Variants in TPRG1 observed in about 807,000 individuals in gnomAD.
TPRG1 encodes the protein tumor protein p63-regulated gene 1 protein.
TPRG1 carries 29 observed loss-of-function variants against 29.3 expected under a neutral mutation model. The ratio of observed to expected loss-of-function variants is 0.99; its 90% CI spans 0.74 to 1.35. TPRG1 has a LOEUF of 1.35. TPRG1 is among the 40% of genes most tolerant of loss of function. The pLI is 0.00. For missense variants in TPRG1, 327 were observed against 335.0 expected (o/e 0.98, Z 0.19); for synonymous variants, 130 against 116.8 (o/e 1.11, Z -0.73).
chr3:189,092,574 T>C (rs1028135921), intron 4 of TPRG1, among the ~76,000 whole-genome samples: 2 of 152,142 alleles, frequency 1.3e-5, no homozygotes, highest in Non-Finnish European at 2.9e-5. Context: ...TTAAAAATGC[T>C]TGGTTGTCAG....
chr3:189,059,257 T>C (rs1715931981), intron 4 of TPRG1, among the ~76,000 whole-genome samples: 1 of 152,228 alleles, frequency 6.6e-6, no homozygotes, highest in Non-Finnish European at 1.5e-5. Flanking sequence ...GACACAGTTC[T>C]TAAGTACTTC....
chr3:189,097,992 A>G (rs1327896500), upstream of TPRG1, among the ~76,000 whole-genome samples: 2 of 152,216 alleles, frequency 1.3e-5, no homozygotes, highest in Non-Finnish European at 2.9e-5. Context: ...AAGATTTAAG[A>G]GGAGAGACAG....
chr3:189,156,119 C>T (rs960209670), intron 5 of TPRG1, among the ~76,000 whole-genome samples: 1 of 151,958 alleles, frequency 6.6e-6, no homozygotes, highest in Non-Finnish European at 1.5e-5. Context: ...ATTTATTTAT[C>T]AATTGTAACT....
At position 189,320,859 on chromosome 3, in the gene TPRG1, T is replaced by A; in HGVS notation, c.*39T>A. ...ACCATAAGCATATCATCCACAGATATGTCACTTTGAAAATTCCAGTTTGAC... is the reference window on the plus strand; with the variant it reads ...ACCATAAGCATATCATCCACAGATAAGTCACTTTGAAAATTCCAGTTTGAC... On this transcript the variant is annotated 3_prime_UTR_variant, in exon 6 of 6. Coordinates refer to ENST00000345063, the MANE Select transcript of TPRG1 (RefSeq NM_198485.4). The A allele has an allele frequency of 6.9e-7, 1 of 1,444,620 alleles. No homozygotes were observed. The highest frequency in any genetic ancestry group is 1.4e-5 in the African/African-American group (1 of 69,050). The allele number at this position is 1,444,620 out of a possible 1,614,324, so 89.5% of individuals were successfully genotyped here. A position where few individuals can be genotyped will look rare whatever the true frequency, so the allele number is the denominator to read the frequency against.
intron 4 of TPRG1, among the ~76,000 whole-genome samples, chr3:189,304,642 T>C (rs745942877): frequency 1.3e-5 from 2 of 152,124 alleles, no homozygotes; most frequent in African/African-American, 4.8e-5. Flanking sequence ...CAGCGTCTTT[T>C]GGGTTCTTGT....
At position 189,183,680 on chromosome 3, in the gene TPRG1, G is replaced by A. The variant is rs1350512830; in HGVS notation, c.-10+11549G>A. ...AGTGATATTCCTCCCATTTGCTTTGGAAAGAAGAGAAATATGGCTCTGTTC... is the reference window on the plus strand; with the variant it reads ...AGTGATATTCCTCCCATTTGCTTTGAAAAGAAGAGAAATATGGCTCTGTTC... On this transcript the variant is annotated intron_variant, in intron 1 of 5. Coordinates refer to ENST00000345063, the MANE Select transcript of TPRG1 (RefSeq NM_198485.4). 2.6e-5 allele frequency among the ~76,000 whole-genome samples: 4 copies of A among 152,080 alleles called. No individual in the cohort carries two copies. The South Asian group carries it at 8.3e-4, about 32-fold the overall frequency.
chr3:188,997,766 C>T (rs1476040580), intron 1 of TPRG1, among the ~76,000 whole-genome samples: 3 of 152,170 alleles, frequency 2.0e-5, no homozygotes, highest in Non-Finnish European at 4.4e-5. Context: ...CGAACAATTA[C>T]ATTCCAGGAG....
intron 5 of TPRG1, among the ~76,000 whole-genome samples, chr3:189,312,169 C>G (rs147054151): frequency 4.5e-5 from 3 of 66,174 alleles, no homozygotes; most frequent in East Asian, 5.2e-4. Context: ...TTCTTTCTTT[C>G]TTTCTTTCTT....
chr3:189,203,923 C>T (rs1224254058), intron 1 of TPRG1, among the ~76,000 whole-genome samples: 1 of 151,850 alleles, frequency 6.6e-6, no homozygotes, highest in Non-Finnish European at 1.5e-5. Context: ...CACCTGTAGT[C>T]CCAGCTGCTC....
At chr3:189,196,560 C>T (rs1732561887) in intron 1 of TPRG1, among the ~76,000 whole-genome samples, 1 of 151,978 alleles carries the variant, frequency 6.6e-6, no homozygotes, top group Non-Finnish European at 1.5e-5. Flanking sequence ...TTTATAAATC[C>T]ATCAGATCTC....
chr3:189,269,961 G>A (rs1714790813), intron 4 of TPRG1, among the ~76,000 whole-genome samples: 1 of 152,154 alleles, frequency 6.6e-6, no homozygotes, highest in Non-Finnish European at 1.5e-5. Flanking sequence ...TAGATATAGA[G>A]TTTTGACTTT....
intron 3 of TPRG1, among the ~76,000 whole-genome samples, chr3:189,216,971 G>A (rs1329148900): frequency 6.6e-6 from 1 of 152,208 alleles, no homozygotes; most frequent in African/African-American, 2.4e-5. Flanking sequence ...ATACACAAAT[G>A]CGGTATTTCT....
chr3:189,248,190 G>A (rs937164900), intron 4 of TPRG1, among the ~76,000 whole-genome samples: 1 of 151,526 alleles, frequency 6.6e-6, no homozygotes, highest in Non-Finnish European at 1.5e-5. Context: ...GCACTGGCAT[G>A]TTTAAATTTT....
chr3:189,002,955 C>T (rs1712103410), intron 2 of TPRG1, among the ~76,000 whole-genome samples: 1 of 152,136 alleles, frequency 6.6e-6, no homozygotes, highest in Non-Finnish European at 1.5e-5. Flanking sequence ...CATTTAACCA[C>T]ACCTAGCTTA....
intron 4 of TPRG1, among the ~76,000 whole-genome samples, chr3:189,038,454 G>A (rs1479167470): frequency 6.6e-6 from 1 of 152,022 alleles, no homozygotes; most frequent in Non-Finnish European, 1.5e-5. Context: ...CTTGTTAAAT[G>A]GAGAAAAGTA....
intron 1 of TPRG1, among the ~76,000 whole-genome samples, chr3:189,100,874 C>T (rs1292104583): frequency 1.3e-5 from 2 of 152,184 alleles, no homozygotes; most frequent in East Asian, 3.9e-4. Context: ...AAAAGAAAAT[C>T]CTGCCTTGTA....
intron 5 of TPRG1, among the ~76,000 whole-genome samples, chr3:189,163,886 C>T (rs772634068): frequency 1.1e-4 from 17 of 151,958 alleles, no homozygotes; most frequent in South Asian, 2.1e-4. Flanking sequence ...GAAACCCCGC[C>T]GAGAATCATT....
intron 4 of TPRG1, among the ~76,000 whole-genome samples, chr3:189,293,128 G>C (rs114032333): frequency 7.7e-4 from 117 of 152,302 alleles, no homozygotes; most frequent in Non-Finnish European, 1.4e-3. Context: ...TTGGCAACTT[G>C]ATGCCAGATT....
In TPRG1 at chr3:189,324,190, A is replaced by C. The variant is rs1406230183; in HGVS notation, c.*3370A>C. The C allele has an allele frequency of 6.6e-6, 1 of 152,156 alleles. No individual in the cohort carries two copies. The highest frequency in any genetic ancestry group is 1.5e-5 in the Non-Finnish European group (1 of 68,022). The allele number at this position is 152,156 out of a possible 1,614,324, so 9.4% of individuals were successfully genotyped here. ...CAGCCTTTGTTTAAACCTTCTTAGG[A>C]AGCCAGTTTGTAGAGTTCTGGGGAT... On this transcript the variant is annotated 3_prime_UTR_variant, in exon 6 of 6. Coordinates refer to ENST00000345063, the MANE Select transcript of TPRG1 (RefSeq NM_198485.4).
Sources: allele counts gnomAD v4.1 joint callset (sites outside exome capture counted in the v4.1 genomes callset), GRCh38; gene constraint gnomAD v4.1.1; transcripts MANE v1.5; gene names NCBI Gene and HGNC (gene_info 2026-07-23, HGNC 2026-07-21).